Variants in ADAMTSL1 observed in about 807,000 individuals in gnomAD.
ADAMTSL1 encodes ADAMTS like 1, also known as ADAMTS-like protein 1.
Under a neutral mutation model 201.8 loss-of-function variants are expected in ADAMTSL1, and 126 were observed. The observed-to-expected ratio is 0.62, with a 90% CI of 0.54 to 0.72. The LOEUF (loss-of-function observed/expected upper bound fraction) is 0.72. Among genes scored for constraint, ADAMTSL1 ranks in the 30% least tolerant of loss-of-function variants. The pLI is 0.00. For missense variants in ADAMTSL1, 2,679 were observed against 2,277.8 expected (o/e 1.18, Z -3.59); for synonymous variants, 1,121 against 903.4 (o/e 1.24, Z -4.32).
intron 26 of ADAMTSL1, among the ~76,000 whole-genome samples, chr9:18,901,017 T>G (rs1287617748): frequency 6.6e-6 from 1 of 152,154 alleles, no homozygotes; most frequent in African/African-American, 2.4e-5. Context: ...TCTTACCATG[T>G]GACAAGCCAG....
chr9:18,577,987 T>TC lies in ADAMTSL1; in HGVS notation c.474+3721_474+3722insC, dbSNP rs377553585. ...AAAGTTACTGCCCTTTACTTTTCTC[T>TC]TTTTTTTTTTTTTTTCCAGAGCACA... On this transcript the variant is annotated intron_variant, in intron 4 of 28. Transcript: ENST00000380548. Among the ~76,000 whole-genome samples the TC allele has an allele frequency of 6.1e-4, 23 of 37,812 alleles. 1 individual carries two copies. Among genetic ancestry groups the TC allele is most frequent in the South Asian group, 1.1e-3 (1 of 936 alleles). 24.8% of individuals were successfully genotyped at this position (37,812 alleles called of 152,430 possible).
At chr9:18,094,453 A>C (rs1306531276) in intron 1 of ADAMTSL1, among the ~76,000 whole-genome samples, 1 of 151,980 alleles carries the variant, frequency 6.6e-6, no homozygotes, top group African/African-American at 2.4e-5. Flanking sequence ...TACACCCTTC[A>C]CTAATGCATT....
intron 4 of ADAMTSL1, among the ~76,000 whole-genome samples, chr9:18,617,825 T>C (rs1825796373): frequency 6.6e-6 from 1 of 152,176 alleles, no homozygotes; most frequent in Non-Finnish European, 1.5e-5. Flanking sequence ...GATTAAAATA[T>C]TGCAAAATAA....
chr9:18,661,303 A>T (rs1829076539), intron 8 of ADAMTSL1, among the ~76,000 whole-genome samples: 1 of 152,348 alleles, frequency 6.6e-6, no homozygotes, highest in East Asian at 1.9e-4. Context: ...TATAACAAAA[A>T]TGGAACAGTA....
intron 1 of ADAMTSL1, among the ~76,000 whole-genome samples, chr9:18,045,279 T>C (rs191520664): frequency 2.0e-5 from 3 of 152,318 alleles, no homozygotes; most frequent in African/African-American, 7.2e-5. Context: ...ATTTCTTCTC[T>C]GGATACATGT....
intron 13 of ADAMTSL1, among the ~76,000 whole-genome samples, chr9:18,686,449 C>T (rs1177374063): frequency 6.6e-6 from 1 of 152,092 alleles, no homozygotes; most frequent in African/African-American, 2.4e-5. Context: ...TTTGACAGGC[C>T]TTTTTGTTGC....
In ADAMTSL1 at chr9:18,009,282, G is replaced by T. The variant is rs529080333; in HGVS notation, c.87+102360G>T. Reference sequence around the variant, plus strand: ...CTCAATGTTTCCATCATCTCTTTCAGGAGGCTTATCTAACTGTACCCAAAA... The same window carrying T: ...CTCAATGTTTCCATCATCTCTTTCATGAGGCTTATCTAACTGTACCCAAAA... On this transcript the variant is annotated intron_variant, in intron 1 of 29. Coordinates refer to the ADAMTSL1 transcript ENST00000680146. Among the ~76,000 whole-genome samples the T allele has an allele frequency of 9.3e-4, 141 of 151,896 alleles. 1 individual carries two copies. Among genetic ancestry groups the T allele is most frequent in the African/African-American group, 3.3e-3 (137 of 41,434 alleles).
chr9:18,893,149 C>G (rs560152034), intron 26 of ADAMTSL1, among the ~76,000 whole-genome samples: 3 of 152,116 alleles, frequency 2.0e-5, no homozygotes, highest in Admixed American at 2.0e-4. Context: ...CATAATCAAA[C>G]AGGCATGAGC....
At chr9:18,341,242 C>T (rs1261080828) in intron 2 of ADAMTSL1, among the ~76,000 whole-genome samples, 1 of 152,116 alleles carries the variant, frequency 6.6e-6, no homozygotes, top group African/African-American at 2.4e-5. Context: ...ATTCTCTATA[C>T]TCCTCTTTCA....
chr9:18,062,495 A>C (rs79143126), intron 1 of ADAMTSL1, among the ~76,000 whole-genome samples: 5,456 of 152,252 alleles, frequency 0.036, 347 homozygotes, highest in East Asian at 0.33. Context: ...TTATTTGGCA[A>C]ATACTTACTA....
At chr9:18,617,957 A>G (rs1587717232) in intron 4 of ADAMTSL1, among the ~76,000 whole-genome samples, 2 of 152,192 alleles carry the variant, frequency 1.3e-5, no homozygotes, top group Admixed American at 1.3e-4. Flanking sequence ...ACTGTTTGCA[A>G]AAAAATTTCA....
chr9:18,227,860 G>A (rs764312481), intron 2 of ADAMTSL1, among the ~76,000 whole-genome samples: 1 of 152,164 alleles, frequency 6.6e-6, no homozygotes, highest in East Asian at 1.9e-4. Flanking sequence ...TAAGGATACT[G>A]TGTCTTTCTT....
chr9:18,732,463 T>C (rs1259492491), intron 15 of ADAMTSL1, among the ~76,000 whole-genome samples: 4 of 152,236 alleles, frequency 2.6e-5, no homozygotes, highest in East Asian at 1.9e-4. Context: ...GATGATAAAA[T>C]GGTAGCAGGG....
intron 19 of ADAMTSL1, among the ~76,000 whole-genome samples, chr9:18,792,754 G>A (rs984372570): frequency 1.3e-5 from 2 of 152,140 alleles, no homozygotes; most frequent in African/African-American, 4.8e-5. Flanking sequence ...AAGAGACTTA[G>A]CAATGATATT....
At chr9:18,025,546 A>G (rs914368794) in intron 1 of ADAMTSL1, among the ~76,000 whole-genome samples, 3 of 152,066 alleles carry the variant, frequency 2.0e-5, no homozygotes, top group African/African-American at 7.2e-5. Flanking sequence ...AACTTTGTCA[A>G]AGATCAGATG....
chr9:18,031,078 T>G (rs1020423535), intron 1 of ADAMTSL1, among the ~76,000 whole-genome samples: 13 of 152,190 alleles, frequency 8.5e-5, no homozygotes, highest in African/African-American at 2.9e-4. Context: ...TTTACTTGTT[T>G]CCTTGGATTA....
At chr9:18,671,177 A>G (rs1187058182) in intron 9 of ADAMTSL1, among the ~76,000 whole-genome samples, 1 of 152,194 alleles carries the variant, frequency 6.6e-6, no homozygotes, top group Non-Finnish European at 1.5e-5. Flanking sequence ...TAAAGGGCCA[A>G]TAGTACACAG....
At chr9:18,764,726 G>A (rs1820263344) in intron 16 of ADAMTSL1, among the ~76,000 whole-genome samples, 1 of 152,234 alleles carries the variant, frequency 6.6e-6, no homozygotes, top group African/African-American at 2.4e-5. Context: ...AAAGCTCCAT[G>A]CAGATCAAAG....
intron 2 of ADAMTSL1, among the ~76,000 whole-genome samples, chr9:18,389,735 T>C (rs2133216653): frequency 6.6e-6 from 1 of 152,136 alleles, no homozygotes; most frequent in Non-Finnish European, 1.5e-5. Flanking sequence ...ACTTGATAAA[T>C]AAAAATACAG....
Sources: allele counts gnomAD v4.1 joint callset (sites outside exome capture counted in the v4.1 genomes callset), GRCh38; gene constraint gnomAD v4.1.1; transcripts MANE v1.5; gene names NCBI Gene and HGNC (gene_info 2026-07-23, HGNC 2026-07-21).